The following SLMAP variants were observed in gnomAD, a reference collection of about 807,000 sequenced individuals.
SLMAP encodes the protein sarcolemmal membrane-associated protein.
In SLMAP, 44 loss-of-function variants were observed where a neutral mutation model predicts 128.8. The observed-to-expected ratio is 0.34, with a 90% CI of 0.27 to 0.44. The LOEUF (loss-of-function observed/expected upper bound fraction) is 0.44, where lower values mean the gene tolerates loss of function less well. SLMAP is among the 20% of genes least tolerant of loss of function. The pLI is 1.00. For missense variants in SLMAP, 787 were observed against 985.3 expected, an observed-to-expected ratio of 0.80 and a Z score of 2.69; for synonymous variants, 327 against 348.8, an observed-to-expected ratio of 0.94 and a Z score of 0.70.
At chr3:57,797,183 T>TAAAAA (rs35969510) in intron 2 of SLMAP, among the ~76,000 whole-genome samples, 2 of 102,692 alleles carry the variant, frequency 1.9e-5, no homozygotes, top group Non-Finnish European at 3.8e-5. Flanking sequence ...TCCTGTATCT[T>TAAAAA]AAAAAAAAAA....
rs536292946 is a variant in SLMAP at position 57,847,180 on chromosome 3, T to C, written c.420-17T>C. On this transcript the variant is annotated splice_polypyrimidine_tract_variant and intron_variant, in intron 4 of 24. Coordinates refer to ENST00000671191, the MANE Select transcript of SLMAP (RefSeq NM_001377540.1). ...TTGTCCGGATATTAGATAAAACTTCTAAATTTTACTTTTCAGTGTCATCCA... is the reference window on the plus strand; with the variant it reads ...TTGTCCGGATATTAGATAAAACTTCCAAATTTTACTTTTCAGTGTCATCCA... The C allele has an allele frequency of 1.3e-5, 21 of 1,575,922 alleles. No homozygotes were observed. The highest frequency in any genetic ancestry group is 8.6e-5 in the Admixed American group (5 of 58,012).
intron 2 of SLMAP, among the ~76,000 whole-genome samples, chr3:57,822,803 A>G (rs927854459): frequency 6.6e-6 from 1 of 152,224 alleles, no homozygotes; most frequent in Non-Finnish European, 1.5e-5. Context: ...TTAAGATTTA[A>G]AGAGACAGCA....
At position 57,887,977 on chromosome 3, in the gene SLMAP, A is replaced by T. The variant is rs553027014; in HGVS notation, c.1301-2064A>T. Among the ~76,000 whole-genome samples, 7 of 152,350 alleles carry T rather than the reference A, an allele frequency of 4.6e-5. No individual in the cohort carries two copies. In the South Asian group the frequency reaches 6.2e-4, roughly 14 times the overall value. On this transcript the variant is annotated intron_variant, in intron 14 of 24. Transcript: ENST00000671191. ...GTATTTCCTGTAGATTTGTGTATCT[A>T]GTCAAAGCATCAATCACATGTGAAG...
intron 14 of SLMAP, among the ~76,000 whole-genome samples, chr3:57,872,716 T>C (rs1481483313): frequency 1.3e-5 from 2 of 152,248 alleles, no homozygotes; most frequent in Admixed American, 1.3e-4. Flanking sequence ...TCCTTTTTAC[T>C]TGAAAGTCAC....
At chr3:57,906,300 C>CTTTTTTTTTT (rs112949836) in intron 17 of SLMAP, among the ~76,000 whole-genome samples, 2 of 71,268 alleles carry the variant, frequency 2.8e-5, no homozygotes, top group African/African-American at 4.8e-5. Flanking sequence ...AAATTTTTTT[C>CTTTTTTTTTT]TTTTTTTTTC....
Position 57,857,777 on chromosome 3 carries a change from G to A in SLMAP, c.564G>A (p.Thr188=), listed in dbSNP as rs770331240. 91 of 1,613,732 alleles carry A rather than the reference G, an allele frequency of 5.6e-5. 1 individual carries two copies. The highest frequency in any genetic ancestry group is 1.2e-4 in the African/African-American group (9 of 74,938). ...REQMLEQKLA[T]LQRLLAITQE... ...AAATGTTGGAACAGAAGTTAGCCAC[G>A]CTTCAGCGGCTACTAGCCATCACCC... Residue 188 remains threonine (T), a synonymous_variant, in exon 7 of 25, where the codon ACG becomes ACA. Transcript: ENST00000671191.
chr3:57,808,800 C>G (rs952052995), intron 2 of SLMAP, among the ~76,000 whole-genome samples: 1 of 152,176 alleles, frequency 6.6e-6, no homozygotes, highest in Non-Finnish European at 1.5e-5. Context: ...GAGCTCAAGT[C>G]TTGAATATCC....
chr3:57,814,331 G>A (rs1332144632), intron 2 of SLMAP, among the ~76,000 whole-genome samples: 1 of 151,878 alleles, frequency 6.6e-6, no homozygotes, highest in South Asian at 2.1e-4. Flanking sequence ...TGTAGAGACA[G>A]GGTCTCACTT....
intron 3 of SLMAP, among the ~76,000 whole-genome samples, chr3:57,833,600 A>G (rs2093466310): frequency 6.6e-6 from 1 of 151,832 alleles, no homozygotes; most frequent in African/African-American, 2.4e-5. Context: ...TTGTATTTCT[A>G]GTAGAGACGG....
rs866328855 is a variant in SLMAP, at chr3:57,925,913, C to T, written c.2514C>T (p.Phe838=). 33 of 1,550,824 alleles carry T rather than the reference C, an allele frequency of 2.1e-5. No individual in the cohort carries two copies. Among genetic ancestry groups the T allele is most frequent in the South Asian group, 1.2e-4 (10 of 84,046 alleles). The change falls in exon 24 of 25, where the codon TTC becomes TTT. Residue 838 remains phenylalanine, a synonymous_variant. Transcript: ENST00000671191. ...GLFLAFLFWC[F]GPLW ...TCCTGGCTTTCCTGTTTTGGTGTTT[C>T]GGTCCATTGTGGTAGAGAAAGGTAC...
chr3:57,822,745 G>A (rs2092624144), intron 2 of SLMAP, among the ~76,000 whole-genome samples: 1 of 152,162 alleles, frequency 6.6e-6, no homozygotes, highest in Non-Finnish European at 1.5e-5. Flanking sequence ...TGAGGTGCCA[G>A]CTGTTTCAAC....
At chr3:57,818,833 T>C (rs1479499563) in intron 2 of SLMAP, among the ~76,000 whole-genome samples, 1 of 152,242 alleles carries the variant, frequency 6.6e-6, no homozygotes, top group Non-Finnish European at 1.5e-5. Flanking sequence ...GTTTAAGTCA[T>C]AAATAGAGAT....
intron 2 of SLMAP, among the ~76,000 whole-genome samples, chr3:57,799,294 CAGTT>C (rs1216741503): frequency 7.2e-5 from 11 of 152,290 alleles, no homozygotes; most frequent in African/African-American, 1.7e-4. Context: ...TCTGGCTTGA[CAGTT>C]AGGTAAAGCC....
chr3:57,784,129 T>C (rs2083602612), intron 2 of SLMAP, among the ~76,000 whole-genome samples: 1 of 152,096 alleles, frequency 6.6e-6, no homozygotes, highest in Non-Finnish European at 1.5e-5. Flanking sequence ...GAGCCACTAC[T>C]GAAAGTTCCC....
At chr3:57,852,574 T>C (rs1173223230) in intron 6 of SLMAP, among the ~76,000 whole-genome samples, 1 of 152,244 alleles carries the variant, frequency 6.6e-6, no homozygotes, top group Non-Finnish European at 1.5e-5. Context: ...GAACAGTTCC[T>C]GGCACATAGA....
chr3:57,837,077 C>G (rs747674208), intron 3 of SLMAP, among the ~76,000 whole-genome samples: 1 of 152,226 alleles, frequency 6.6e-6, no homozygotes, highest in African/African-American at 2.4e-5. Flanking sequence ...TTCAACTGCA[C>G]TGAATTACTT....
At chr3:57,866,650 G>A (rs192561588) in intron 13 of SLMAP, among the ~76,000 whole-genome samples, 7 of 152,182 alleles carry the variant, frequency 4.6e-5, no homozygotes, top group East Asian at 3.9e-4. Flanking sequence ...TATTCATTGC[G>A]ATCAAGCAGA....
intron 14 of SLMAP, among the ~76,000 whole-genome samples, chr3:57,881,089 G>T (rs1169832489): frequency 6.6e-6 from 1 of 152,022 alleles, no homozygotes; most frequent in Non-Finnish European, 1.5e-5. Context: ...AGCTACTCAG[G>T]AGGCTGAGGC....
chr3:57,838,390 G>A (rs1031808470), intron 3 of SLMAP, among the ~76,000 whole-genome samples: 1 of 152,184 alleles, frequency 6.6e-6, no homozygotes, highest in Non-Finnish European at 1.5e-5. Flanking sequence ...TGTCTTAAAA[G>A]TAAGAAACAT....
Sources: gnomAD v4.1 joint callset for allele counts (sites outside exome capture counted in the v4.1 genomes callset) on GRCh38, gnomAD v4.1.1 for gene constraint, MANE v1.5 for transcripts, NCBI Gene and HGNC (gene_info 2026-07-23, HGNC 2026-07-21) for gene names.